Variants in NTNG1 observed in about 807,000 individuals in gnomAD.
NTNG1 encodes netrin G1.
Under a neutral mutation model 54.0 loss-of-function variants are expected in NTNG1, and 16 were observed. The ratio of observed to expected loss-of-function variants is 0.30; its 90% CI spans 0.20 to 0.45. The LOEUF is 0.45. Among genes scored for constraint, NTNG1 ranks in the 20% least tolerant of loss-of-function variants. The pLI, the probability that NTNG1 is intolerant of heterozygous loss-of-function variation, is 1.00. For synonymous variants in NTNG1, 255 were observed against 263.1 expected (o/e 0.97, Z 0.30); for missense variants, 530 against 678.7 (o/e 0.78, Z 2.43).
chr1:107,153,506 T>C (rs1218425969), intron 2 of NTNG1, among the ~76,000 whole-genome samples: 1 of 152,214 alleles, frequency 6.6e-6, no homozygotes, highest in African/African-American at 2.4e-5. Context: ...CAAAATGGAA[T>C]TTTTAAAAAC....
chr1:107,204,376 T>C (rs1366139676), intron 2 of NTNG1, among the ~76,000 whole-genome samples: 1 of 152,170 alleles, frequency 6.6e-6, no homozygotes, highest in Non-Finnish European at 1.5e-5. Context: ...TTCTGGATAC[T>C]TCTTATCTCT....
chr1:107,388,313 T>C (rs536448335), intron 3 of NTNG1, among the ~76,000 whole-genome samples: 63 of 152,288 alleles, frequency 4.1e-4, no homozygotes, highest in Non-Finnish European at 2.9e-4. Flanking sequence ...CCCACAACCG[T>C]CCTTTGAAAC....
chr1:107,483,631 G>A lies in NTNG1; in HGVS notation c.*2791G>A, dbSNP rs1041401472. 1.3e-5 allele frequency among the ~76,000 whole-genome samples: 2 copies of A among 152,114 alleles called. No homozygotes were observed. Among genetic ancestry groups the A allele is most frequent in the African/African-American group, 4.8e-5 (2 of 41,414 alleles). On this transcript the variant is annotated 3_prime_UTR_variant, in exon 8 of 8. Coordinates refer to ENST00000370068, the MANE Select transcript of NTNG1 (RefSeq NM_001113226.3). ...TGTTGTGCCCTAAGAACAGGACTGG[G>A]GTGAAAAGCGGGTACTCAGTTGTTC... is the stretch of plus-strand genomic sequence containing the variant.
At chr1:107,372,815 G>A (rs896951889) in intron 3 of NTNG1, among the ~76,000 whole-genome samples, 7 of 151,788 alleles carry the variant, frequency 4.6e-5, no homozygotes, top group African/African-American at 1.7e-4. Context: ...TTAAAGTTCT[G>A]CTTCAGGAAG....
chr1:107,156,793 G>C (rs1489545836), intron 2 of NTNG1, among the ~76,000 whole-genome samples: 1 of 152,128 alleles, frequency 6.6e-6, no homozygotes, highest in East Asian at 1.9e-4. Flanking sequence ...GGGAACTTAG[G>C]CAGGTCCCAC....
At chr1:107,303,020 C>T (rs1340410803) in intron 2 of NTNG1, among the ~76,000 whole-genome samples, 1 of 152,074 alleles carries the variant, frequency 6.6e-6, no homozygotes, top group African/African-American at 2.4e-5. Context: ...GTTCATGAGC[C>T]ATCAAATACT....
intron 7 of NTNG1, among the ~76,000 whole-genome samples, chr1:107,453,107 G>A (rs933289280): frequency 6.6e-5 from 10 of 152,082 alleles, no homozygotes; most frequent in East Asian, 1.9e-4. Context: ...GAGACTGTTC[G>A]GTGTCTCAAC....
chr1:107,260,100 C>T (rs192924273), intron 2 of NTNG1, among the ~76,000 whole-genome samples: 1 of 152,256 alleles, frequency 6.6e-6, no homozygotes, highest in East Asian at 1.9e-4. Context: ...AAAATTTTGG[C>T]CATGTCTCTT....
intron 7 of NTNG1, 144 bp downstream of exon 7, chr1:107,436,943 TA>T (rs1675638125): frequency 7.2e-6 from 5 of 693,194 alleles, no homozygotes; most frequent in Admixed American, 3.7e-5. Flanking sequence ...GCGGCCAATG[TA>T]TTGGGAGAGC....
intron 7 of NTNG1, among the ~76,000 whole-genome samples, chr1:107,461,488 C>A (rs6699537): frequency 2.6e-5 from 4 of 151,882 alleles, no homozygotes; most frequent in African/African-American, 9.7e-5. Context: ...CCAGATCACC[C>A]ATCCTTGAAG....
intron 2 of NTNG1, among the ~76,000 whole-genome samples, chr1:107,220,999 C>A (rs536771256): frequency 6.6e-6 from 1 of 151,952 alleles, no homozygotes; most frequent in African/African-American, 2.4e-5. Context: ...TAACCTTGAG[C>A]AAATCATTTA....
At chr1:107,293,112 A>G (rs1397267249) in intron 2 of NTNG1, among the ~76,000 whole-genome samples, 1 of 152,142 alleles carries the variant, frequency 6.6e-6, no homozygotes, top group Non-Finnish European at 1.5e-5. Flanking sequence ...TGATCCAACA[A>G]TTTTATCTTT....
intron 3 of NTNG1, among the ~76,000 whole-genome samples, chr1:107,335,745 G>A (rs955669242): frequency 2.0e-5 from 3 of 151,712 alleles, no homozygotes; most frequent in Admixed American, 2.0e-4. Flanking sequence ...AAAGTTGCAG[G>A]ATACAAAAGC....
At chr1:107,464,510 C>T (rs980794215) in intron 7 of NTNG1, among the ~76,000 whole-genome samples, 10 of 152,028 alleles carry the variant, frequency 6.6e-5, no homozygotes, top group African/African-American at 1.5e-4. Context: ...ACCTACGGAA[C>T]GAAGGGTGAA....
At chr1:107,172,757 G>A (rs1165813808) in intron 2 of NTNG1, among the ~76,000 whole-genome samples, 2 of 152,098 alleles carry the variant, frequency 1.3e-5, no homozygotes, top group Non-Finnish European at 2.9e-5. Context: ...CTTGTCCCAC[G>A]AGTCACTAGG....
intron 3 of NTNG1, among the ~76,000 whole-genome samples, chr1:107,364,179 C>T (rs530966318): frequency 6.6e-6 from 1 of 152,244 alleles, no homozygotes; most frequent in African/African-American, 2.4e-5. Flanking sequence ...AAACCTTTTT[C>T]ACACCATACG....
At chr1:107,430,667 T>G in intron 5 of NTNG1, 83 bp from the exon 6 acceptor site, 1 of 1,364,736 alleles carries the variant, frequency 7.3e-7, no homozygotes, top group Non-Finnish European at 1.0e-6. Context: ...CTTTTCTCCA[T>G]CCCTCATTTT....
intron 2 of NTNG1, among the ~76,000 whole-genome samples, chr1:107,320,182 A>T (rs1164287012): frequency 6.6e-6 from 1 of 152,162 alleles, no homozygotes; most frequent in East Asian, 1.9e-4. Flanking sequence ...TTTAGCAGCA[A>T]TAGCTGTTTA....
At chr1:107,361,788 T>C (rs913569238) in intron 3 of NTNG1, among the ~76,000 whole-genome samples, 1 of 152,116 alleles carries the variant, frequency 6.6e-6, no homozygotes, top group African/African-American at 2.4e-5. Flanking sequence ...ATGGAAGAAA[T>C]GATAAACTAG....
Sources: allele counts gnomAD v4.1 joint callset (sites outside exome capture counted in the v4.1 genomes callset), GRCh38; gene constraint gnomAD v4.1.1; transcripts MANE v1.5; gene names NCBI Gene and HGNC (gene_info 2026-07-23, HGNC 2026-07-21).